MB21D2: variants seen among roughly 807,000 people sequenced by gnomAD.
The protein encoded by MB21D2 is nucleotidyltransferase MB21D2.
Under a neutral mutation model 33.3 loss-of-function variants are expected in MB21D2, and 9 were observed. The observed-to-expected ratio is 0.27, with a 90% CI of 0.16 to 0.47. The LOEUF (loss-of-function observed/expected upper bound fraction) is 0.47, where lower values mean the gene tolerates loss of function less well. Among genes scored for constraint, MB21D2 ranks in the 20% least tolerant of loss-of-function variants. The pLI is 0.99. For missense variants in MB21D2, 540 were observed against 624.6 expected, an observed-to-expected ratio of 0.86 and a Z score of 1.44; for synonymous variants, 241 against 236.3, an observed-to-expected ratio of 1.02 and a Z score of -0.18.
intron 1 of MB21D2, among the ~76,000 whole-genome samples, chr3:192,897,255 A>G (rs1398687342): frequency 2.0e-5 from 3 of 152,090 alleles, no homozygotes; most frequent in Non-Finnish European, 4.4e-5. Flanking sequence ...AACAAACAGA[A>G]CGGTTGCATA....
chr3:192,894,685 C>T (rs541584173), intron 1 of MB21D2, among the ~76,000 whole-genome samples: 1 of 152,202 alleles, frequency 6.6e-6, no homozygotes, highest in South Asian at 2.1e-4. Flanking sequence ...CTTTATTGCT[C>T]AAACTAGAGA....
intron 1 of MB21D2, among the ~76,000 whole-genome samples, chr3:192,879,752 T>C (rs1353210968): frequency 6.6e-6 from 1 of 152,250 alleles, no homozygotes; most frequent in African/African-American, 2.4e-5. Context: ...CTTTCATTGA[T>C]TAATGTCATA....
rs116812003 is a variant in MB21D2, at chr3:192,829,140, C to T, written c.212-29490G>A. Among the ~76,000 whole-genome samples, 345 of 152,292 alleles carry T rather than the reference C, an allele frequency of 2.3e-3. 2 individuals are homozygous for T. Among genetic ancestry groups the T allele is most frequent in the African/African-American group, 7.7e-3 (322 of 41,564 alleles). ...ATGCCTGTAGTTTTACTGTTTCCTGCATGACATATAAATGACACAGTACGT... is the reference window on the plus strand; with the variant it reads ...ATGCCTGTAGTTTTACTGTTTCCTGTATGACATATAAATGACACAGTACGT... On this transcript the variant is annotated intron_variant, in intron 1 of 1. Transcript: ENST00000392452.
chr3:192,884,382 G>T (rs1040648838), intron 1 of MB21D2, among the ~76,000 whole-genome samples: 4 of 151,752 alleles, frequency 2.6e-5, no homozygotes, highest in Admixed American at 6.6e-5. Context: ...TGTTGTTGTT[G>T]TTGAGACGGA....
At chr3:192,887,014 C>T (rs567700116) in intron 1 of MB21D2, among the ~76,000 whole-genome samples, 6 of 152,032 alleles carry the variant, frequency 3.9e-5, no homozygotes, top group Admixed American at 6.5e-5. Context: ...TCCCCACTTT[C>T]GCCACTGTCC....
intron 1 of MB21D2, among the ~76,000 whole-genome samples, chr3:192,834,534 G>A (rs1320724853): frequency 6.6e-6 from 1 of 151,390 alleles, no homozygotes; most frequent in Non-Finnish European, 1.5e-5. Context: ...TGTTTCTCCT[G>A]TGGGGCCACT....
At chr3:192,889,232 T>C (rs1355921424) in intron 1 of MB21D2, among the ~76,000 whole-genome samples, 3 of 152,102 alleles carry the variant, frequency 2.0e-5, no homozygotes, top group African/African-American at 7.3e-5. Context: ...TTAAGATGGT[T>C]TCTCTATTAA....
intron 1 of MB21D2, among the ~76,000 whole-genome samples, chr3:192,911,101 C>T (rs1714342679): frequency 6.6e-6 from 1 of 152,170 alleles, no homozygotes; most frequent in African/African-American, 2.4e-5. Flanking sequence ...GTCTCTTGGT[C>T]CTGAGTGCAG....
At chr3:192,804,426 T>TACAGATAC (rs1457924051) in intron 1 of MB21D2, among the ~76,000 whole-genome samples, 5 of 147,062 alleles carry the variant, frequency 3.4e-5, no homozygotes, top group African/African-American at 1.2e-4. Context: ...TTAAAACAGA[T>TACAGATAC]ACACACACAC....
intron 1 of MB21D2, among the ~76,000 whole-genome samples, chr3:192,852,300 T>A (rs1712825337): frequency 6.6e-6 from 1 of 152,226 alleles, no homozygotes; most frequent in Non-Finnish European, 1.5e-5. Context: ...CAAAAGCTAA[T>A]AAACTGGAAA....
intron 1 of MB21D2, among the ~76,000 whole-genome samples, chr3:192,891,395 T>C (rs950376): frequency 0.071 from 10,725 of 152,078 alleles, 1,171 homozygotes; most frequent in African/African-American, 0.23. Flanking sequence ...ACAAAATAAT[T>C]AATGTAACAG....
chr3:192,880,262 G>A (rs989672731), intron 1 of MB21D2, among the ~76,000 whole-genome samples: 5 of 151,330 alleles, frequency 3.3e-5, no homozygotes, highest in South Asian at 2.1e-4. Context: ...CAGGAGAATC[G>A]CTTGAACCCA....
intron 1 of MB21D2, among the ~76,000 whole-genome samples, chr3:192,837,890 T>C (rs185046410): frequency 2.6e-5 from 4 of 152,298 alleles, no homozygotes; most frequent in Admixed American, 6.5e-5. Flanking sequence ...ATCAGAAACC[T>C]GGAGGTACCG....
chr3:192,825,026 C>T (rs915350199), intron 1 of MB21D2, among the ~76,000 whole-genome samples: 3 of 152,152 alleles, frequency 2.0e-5, no homozygotes, highest in South Asian at 4.1e-4. Context: ...GGTCCTCCTA[C>T]GTGCTCATGT....
intron 1 of MB21D2, among the ~76,000 whole-genome samples, chr3:192,838,335 C>T (rs1712485124): frequency 6.6e-6 from 1 of 152,110 alleles, no homozygotes; most frequent in African/African-American, 2.4e-5. Context: ...ATCACTTCCA[C>T]TTTTGTCCAT....
chr3:192,915,922 C>T (rs1020871401), intron 1 of MB21D2, among the ~76,000 whole-genome samples: 2 of 152,008 alleles, frequency 1.3e-5, no homozygotes, highest in African/African-American at 4.8e-5. Flanking sequence ...GCTGTATTAA[C>T]ACAATGGCAG....
rs753465184 is a variant in MB21D2, at chr3:192,866,593, C to T, written c.211+51037G>A. On this transcript the variant is annotated intron_variant, in intron 1 of 1. Transcript: ENST00000392452. ...ACGTGTATGTAGACATGCACGTACACATCCACATTTAATTCTGAATTAATT... is the reference window on the plus strand; with the variant it reads ...ACGTGTATGTAGACATGCACGTACATATCCACATTTAATTCTGAATTAATT... Among the ~76,000 whole-genome samples, 3 of 152,194 alleles carry T rather than the reference C, an allele frequency of 2.0e-5. No individual in the cohort carries two copies. In the East Asian group the frequency reaches 5.8e-4, roughly 29 times the overall value.
At chr3:192,828,440 C>T (rs964935572) in intron 1 of MB21D2, among the ~76,000 whole-genome samples, 2 of 151,254 alleles carry the variant, frequency 1.3e-5, no homozygotes, top group South Asian at 4.2e-4. Flanking sequence ...CCCAAGATGC[C>T]TGTGTCCCTG....
At chr3:192,830,720 C>T (rs561642629) in intron 1 of MB21D2, among the ~76,000 whole-genome samples, 36 of 152,326 alleles carry the variant, frequency 2.4e-4, no homozygotes, top group African/African-American at 8.2e-4. Context: ...TGCCACTCAA[C>T]GTGTTGTTCA....
Sources: allele counts gnomAD v4.1 joint callset (sites outside exome capture counted in the v4.1 genomes callset), GRCh38; gene constraint gnomAD v4.1.1; transcripts MANE v1.5; gene names NCBI Gene and HGNC (gene_info 2026-07-23, HGNC 2026-07-21).